Variants in PDK1 observed in about 807,000 individuals in gnomAD.
PDK1 encodes pyruvate dehydrogenase kinase 1.
A neutral mutation model predicts 54.2 loss-of-function variants in PDK1; 39 were observed. That is an observed-to-expected ratio of 0.72 (90% CI 0.56 to 0.94). PDK1 has a LOEUF of 0.94. Ranked by LOEUF, PDK1 falls within the 40% of genes least tolerant of loss-of-function variation. The pLI is 0.00. For missense variants in PDK1, 552 were observed against 566.0 expected (o/e 0.98, Z 0.25); for synonymous variants, 221 against 207.1 (o/e 1.07, Z -0.58).
rs756577323 is a variant in PDK1, at chr2:172,556,306, C to G, written c.156C>G (p.Phe52Leu). The G allele has an allele frequency of 6.7e-7, 1 of 1,503,448 alleles. No individual in the cohort carries two copies. The highest frequency in any genetic ancestry group is 2.4e-5 in the Admixed American group (1 of 41,036). The allele number at this position is 1,503,448 out of a possible 1,614,324, so 93.1% of individuals were successfully genotyped here. A position where few individuals can be genotyped will look rare whatever the true frequency, so the allele number is the denominator to read the frequency against. The change falls in exon 1 of 11, where the codon TTC (phenylalanine) becomes TTG (leucine). Residue 52 changes from phenylalanine (F) to leucine (L), a missense_variant. Phe to Leu is a conservative substitution (Grantham distance 22, BLOSUM62 0). Coordinates refer to ENST00000282077, the MANE Select transcript of PDK1 (RefSeq NM_002610.5). ...VPGQVDFYAR[F>L]SPSPLSMKQF... ...GCCAGGTGGACTTCTACGCGCGCTT[C>G]TCGCCGTCCCCGCTCTCCATGAAGC...
At chr2:172,633,971 G>A in the PDK1 span, among the ~76,000 whole-genome samples, 1 of 146,412 alleles carries the variant, frequency 6.8e-6, no homozygotes, top group Admixed American at 7.0e-5. Flanking sequence ...CACCTCCTGG[G>A]TTCAAGCAAT....
the PDK1 span, among the ~76,000 whole-genome samples, chr2:172,687,625 G>A: frequency 2.2e-4 from 34 of 152,242 alleles, no homozygotes; most frequent in East Asian, 6.4e-3. Context: ...TTACATGGTG[G>A]TGTTTCCCAA....
At chr2:172,584,386 T>G (rs1053679366) in intron 8 of PDK1, among the ~76,000 whole-genome samples, 2 of 151,654 alleles carry the variant, frequency 1.3e-5, no homozygotes, top group African/African-American at 4.8e-5. Flanking sequence ...TTTTTTTGTT[T>G]GTTGGTTGGT....
downstream of PDK1, among the ~76,000 whole-genome samples, chr2:172,611,485 T>G (rs1337875975): frequency 6.6e-6 from 1 of 151,568 alleles, no homozygotes; most frequent in Non-Finnish European, 1.5e-5. Context: ...ATTAAGTATG[T>G]AAAAAAAAAT....
chr2:172,580,238 CT>C (rs11287577), intron 8 of PDK1, among the ~76,000 whole-genome samples: 108,749 of 127,296 alleles, frequency 0.85, 46,440 homozygotes, highest in East Asian at 0.94. Flanking sequence ...GAATGTATCA[CT>C]TTTTTTTTTT....
the PDK1 span, among the ~76,000 whole-genome samples, chr2:172,718,780 A>T: frequency 2.0e-5 from 3 of 152,242 alleles, no homozygotes; most frequent in Non-Finnish European, 4.4e-5. Context: ...TGAAAAAGTC[A>T]GGAAGCCAGA....
At chr2:172,704,370 G>T in the PDK1 span, among the ~76,000 whole-genome samples, 1 of 152,064 alleles carries the variant, frequency 6.6e-6, no homozygotes, top group Non-Finnish European at 1.5e-5. Context: ...TGACAGTTGG[G>T]GTCCATGTGT....
the PDK1 span, among the ~76,000 whole-genome samples, chr2:172,639,654 G>C: frequency 6.6e-6 from 1 of 152,150 alleles, no homozygotes; most frequent in Non-Finnish European, 1.5e-5. Context: ...GAATATGGTT[G>C]CCCCCACCAA....
chr2:172,561,842 A>G (rs1442676003), intron 2 of PDK1, among the ~76,000 whole-genome samples: 7 of 152,210 alleles, frequency 4.6e-5, no homozygotes, highest in Non-Finnish European at 7.3e-5. Flanking sequence ...TTTTACTGAT[A>G]ATAAGACAAA....
chr2:172,687,743 C>T, the PDK1 span, among the ~76,000 whole-genome samples: 1 of 152,116 alleles, frequency 6.6e-6, no homozygotes, highest in Non-Finnish European at 1.5e-5. Context: ...CAGGAGGTGT[C>T]CAGGTGGATC....
chr2:172,568,100 G>T (rs1689050362), intron 6 of PDK1, among the ~76,000 whole-genome samples: 1 of 152,098 alleles, frequency 6.6e-6, no homozygotes, highest in East Asian at 1.9e-4. Flanking sequence ...TTGGGAGGCC[G>T]AGGCGGGTGG....
the PDK1 span, among the ~76,000 whole-genome samples, chr2:172,621,733 CAT>C: frequency 6.3e-4 from 91 of 144,778 alleles, 3 homozygotes; most frequent in African/African-American, 1.1e-3. Flanking sequence ...GTTTATATCT[CAT>C]ATATGTCATA....
rs1465886426 is a variant in PDK1, at chr2:172,600,479, G to C, written c.*4510G>C. 5.3e-5 allele frequency: 8 copies of C among 152,072 alleles called. No homozygotes were observed. The highest frequency in any genetic ancestry group is 1.2e-4 in the Non-Finnish European group (8 of 68,018). The allele number at this position is 152,072 out of a possible 1,614,324, so 9.4% of individuals were successfully genotyped here. A position where few individuals can be genotyped will look rare whatever the true frequency, so the allele number is the denominator to read the frequency against. ...GTATCTCCATAATGGCCAGTATGTA[G>C]TAGGCACCTGTAATTGTGAAGCAGC... On this transcript the variant is annotated 3_prime_UTR_variant, in exon 11 of 11. Transcript: ENST00000282077.
At chr2:172,612,191 G>A (rs891591848), downstream of PDK1, among the ~76,000 whole-genome samples, 17 of 151,976 alleles carry the variant, frequency 1.1e-4, 2 homozygotes, top group Admixed American at 3.9e-4. Flanking sequence ...AAGATCCACC[G>A]TTATACATTA....
At position 172,595,844 on chromosome 2, in the gene PDK1, T is replaced by C; in HGVS notation, c.1186T>C (p.Ser396Pro). ...TCTTTTTCAGGCTCTGTCAACAGAC[T>C]CAATAGAAAGACTCCCAGTGTATAA... ...VIYIKALSTD[S>P]IERLPVYNKA... The change falls in exon 11 of 11, where the codon TCA becomes CCA. Residue 396 changes from serine to proline, a missense_variant. By Grantham distance (74) the Ser-to-Pro change is moderately conservative. Transcript: ENST00000282077. 6.2e-7 allele frequency: 1 copy of C among 1,613,818 alleles called. No homozygotes were observed. Among genetic ancestry groups the C allele is most frequent in the Non-Finnish European group, 8.5e-7 (1 of 1,179,746 alleles).
chr2:172,569,412 T>C (rs1689130054), intron 7 of PDK1, among the ~76,000 whole-genome samples: 1 of 152,088 alleles, frequency 6.6e-6, no homozygotes, highest in African/African-American at 2.4e-5. Context: ...TGAGAGTATC[T>C]TTTTTCCCCG....
the PDK1 span, among the ~76,000 whole-genome samples, chr2:172,640,695 G>A: frequency 6.1e-4 from 93 of 152,146 alleles, no homozygotes; most frequent in African/African-American, 1.8e-3. Flanking sequence ...GAGGTAACCT[G>A]CTTTTGTTAG....
the PDK1 span, among the ~76,000 whole-genome samples, chr2:172,640,388 G>A: frequency 6.6e-6 from 1 of 152,128 alleles, no homozygotes; most frequent in African/African-American, 2.4e-5. Flanking sequence ...GTCCTGAAAA[G>A]CAATACCCAA....
At chr2:172,591,430 T>C (rs1300291649) in intron 9 of PDK1, among the ~76,000 whole-genome samples, 1 of 152,140 alleles carries the variant, frequency 6.6e-6, no homozygotes. Context: ...AGTGAGGAGG[T>C]TTAGGCCTTG....
Sources: allele counts gnomAD v4.1 joint callset (sites outside exome capture counted in the v4.1 genomes callset), GRCh38; gene constraint gnomAD v4.1.1; transcripts MANE v1.5; gene names NCBI Gene and HGNC (gene_info 2026-07-23, HGNC 2026-07-21).